The following SH3KBP1 variants were observed in gnomAD, a reference collection of about 807,000 sequenced individuals.
SH3KBP1 encodes SH3 domain-containing kinase-binding protein 1.
A neutral mutation model predicts 50.1 loss-of-function variants in SH3KBP1; 8 were observed. The observed-to-expected ratio is 0.16, with a 90% confidence interval of 0.09 to 0.29. SH3KBP1 has a LOEUF of 0.29. Among genes scored for constraint, SH3KBP1 ranks in the 10% least tolerant of loss-of-function variants. SH3KBP1 has a pLI of 1.00. For synonymous variants in SH3KBP1, 227 were observed against 218.6 expected (o/e 1.04, Z -0.34); for missense variants, 377 against 535.2 (o/e 0.70, Z 2.92).
At chrX:19,761,280 T>C (rs1180958493) in intron 2 of SH3KBP1, among the ~76,000 whole-genome samples, 1 of 39,256 alleles carries the variant, frequency 2.5e-5, no homozygotes, top group African/African-American at 1.1e-4. Context: ...AGAGAGGAAG[T>C]AGGGGAGAGA....
chrX:19,691,325 GCTCTCTCTCTCT>G (rs747033807), intron 5 of SH3KBP1, among the ~76,000 whole-genome samples: 24 of 84,377 alleles, frequency 2.8e-4, no homozygotes, highest in African/African-American at 7.5e-4. Context: ...AATCTCTGTC[GCTCTCTCTCTCT>G]CTCTCTCTCT....
intron 2 of SH3KBP1, among the ~76,000 whole-genome samples, chrX:19,785,392 G>A (rs185692787): frequency 9.1e-6 from 1 of 109,867 alleles, no homozygotes; most frequent in African/African-American, 3.3e-5. Flanking sequence ...GCTAGGCGTG[G>A]TGGTACGTAC....
intron 3 of SH3KBP1, among the ~76,000 whole-genome samples, chrX:19,708,972 GT>G (rs1569433032): frequency 8.9e-6 from 1 of 111,770 alleles, no homozygotes; most frequent in African/African-American, 3.3e-5. Flanking sequence ...AAGTTCATAT[GT>G]TCAAAAAACC....
chrX:19,649,748 C>A (rs1333127278), intron 6 of SH3KBP1, among the ~76,000 whole-genome samples: 2 of 111,656 alleles, frequency 1.8e-5, no homozygotes, highest in African/African-American at 6.5e-5. Flanking sequence ...AGACAGATAA[C>A]CACCATATGA....
At chrX:19,597,173 C>T (rs952315641) in intron 9 of SH3KBP1, among the ~76,000 whole-genome samples, 7 of 112,048 alleles carry the variant, frequency 6.2e-5, no homozygotes, top group Admixed American at 4.7e-4. Context: ...GGCTGCAGAA[C>T]GGATGTTGTA....
intron 4 of SH3KBP1, among the ~76,000 whole-genome samples, chrX:19,703,040 T>C (rs1327561590): frequency 2.7e-5 from 3 of 111,562 alleles, no homozygotes; most frequent in African/African-American, 9.8e-5. Context: ...GTGCTTTGCT[T>C]TGCCAACTCC....
chrX:19,594,840 AAT>A, intron 10 of SH3KBP1, 107 bp downstream of exon 10: 2 of 582,049 alleles, frequency 3.4e-6, no homozygotes, highest in East Asian at 6.7e-5. Context: ...CCAAGTAGTC[AAT>A]CTATGGCACT....
chrX:19,841,154 G>A (rs1013677577), intron 1 of SH3KBP1, among the ~76,000 whole-genome samples: 33 of 111,468 alleles, frequency 3.0e-4, no homozygotes, highest in African/African-American at 1.0e-3. Context: ...TCACTATGGC[G>A]GTGGTGGTGG....
At chrX:19,612,845 G>A (rs2067473095) in intron 8 of SH3KBP1, among the ~76,000 whole-genome samples, 1 of 112,041 alleles carries the variant, frequency 8.9e-6, no homozygotes, top group African/African-American at 3.2e-5. Flanking sequence ...AGACAAGCTG[G>A]GCAGCCTGGA....
intron 1 of SH3KBP1, among the ~76,000 whole-genome samples, chrX:19,837,571 C>T (rs1293983628): frequency 1.9e-5 from 2 of 103,369 alleles, no homozygotes; most frequent in Admixed American, 1.1e-4. Context: ...CACGTTCAAG[C>T]GATTCTCCTT....
chrX:19,854,961 A>C (rs2068605788), intron 1 of SH3KBP1, among the ~76,000 whole-genome samples: 1 of 111,801 alleles, frequency 8.9e-6, no homozygotes, highest in Non-Finnish European at 1.9e-5. Flanking sequence ...ATCCCAGACA[A>C]GGAGTTGGTA....
intron 2 of SH3KBP1, among the ~76,000 whole-genome samples, chrX:19,753,448 A>G (rs1339622223): frequency 8.9e-6 from 1 of 111,835 alleles, no homozygotes; most frequent in African/African-American, 3.3e-5. Flanking sequence ...ACAGAAACCT[A>G]GAATAGCACA....
At chrX:19,719,951 C>G (rs1022034702) in intron 3 of SH3KBP1, among the ~76,000 whole-genome samples, 6 of 109,521 alleles carry the variant, frequency 5.5e-5, no homozygotes, top group African/African-American at 1.7e-4. Context: ...ACTCACCCAG[C>G]ATTGCAACCC....
At chrX:19,771,509 TA>T (rs1030998191) in intron 2 of SH3KBP1, among the ~76,000 whole-genome samples, 4 of 111,545 alleles carry the variant, frequency 3.6e-5, no homozygotes, top group African/African-American at 1.3e-4. Context: ...TCTGCAACTT[TA>T]AAAAACTTGA....
chrX:19,588,247 C>A, intron 12 of SH3KBP1: 2 of 801,696 alleles, frequency 2.5e-6, no homozygotes, highest in South Asian at 4.1e-5. Flanking sequence ...GGGGTCGTAG[C>A]CACACATGAG....
rs568142690 is a variant in SH3KBP1 at position 19,817,780 on chromosome X, A to G, written c.162+18345T>C. ...CTCCTGAGTTGCTGGGATTACAGGC[A>G]CAGGCAACCATGCCCAGCTCATTTT... On this transcript the variant is annotated intron_variant, in intron 2 of 17. Transcript: ENST00000397821. Among the ~76,000 whole-genome samples, 25 of 111,204 alleles carry G rather than the reference A, an allele frequency of 2.2e-4. No homozygotes were observed. In the South Asian group the frequency reaches 9.5e-3, roughly 42 times the overall value.
intron 15 of SH3KBP1, among the ~76,000 whole-genome samples, chrX:19,542,500 GA>G (rs2064950378): frequency 8.9e-6 from 1 of 112,059 alleles, no homozygotes; most frequent in African/African-American, 3.2e-5. Context: ...AAGTGAACAA[GA>G]CATGCCTTAA....
intron 13 of SH3KBP1, among the ~76,000 whole-genome samples, chrX:19,550,887 CCT>C (rs1246719904): frequency 1.8e-5 from 2 of 110,813 alleles, no homozygotes; most frequent in African/African-American, 3.3e-5. Context: ...TTAACAAACC[CCT>C]GTTATTTCAG....
chrX:19,887,557 G>T lies in SH3KBP1; in HGVS notation c.-247C>A. 1 of 133,316 alleles carries T rather than the reference G, an allele frequency of 7.5e-6. No homozygotes were observed. Among genetic ancestry groups the T allele is most frequent in the East Asian group, 1.8e-4 (1 of 5,601 alleles). The allele number at this position is 133,316 out of a possible 1,213,427, so 11.0% of individuals were successfully genotyped here. On this transcript the variant is annotated 5_prime_UTR_variant, in exon 1 of 18. Coordinates refer to ENST00000397821, the MANE Select transcript of SH3KBP1 (RefSeq NM_031892.3). The stretch of plus-strand genomic sequence containing the variant: ...CTGCTGTTGCATCGCGGCCCAATGC[G>T]CCCGGCTGCGCCGGGTTTCCTGCTC...
Sources: allele counts gnomAD v4.1 joint callset (sites outside exome capture counted in the v4.1 genomes callset), GRCh38; gene constraint gnomAD v4.1.1; transcripts MANE v1.5; gene names NCBI Gene and HGNC (gene_info 2026-07-23, HGNC 2026-07-21).